The following RPE variants were observed in gnomAD, a reference collection of about 807,000 sequenced individuals.
RPE encodes ribulose-5-phosphate-3-epimerase.
In RPE, 16 loss-of-function variants were observed where a neutral mutation model predicts 24.6. That is an observed-to-expected ratio of 0.65 (90% CI 0.44 to 0.99). The LOEUF (loss-of-function observed/expected upper bound fraction) is 0.99. Ranked by LOEUF, RPE falls within the 50% of genes least tolerant of loss-of-function variation. The pLI is 0.00. For missense variants in RPE, 240 were observed against 294.5 expected (o/e 0.81, Z 1.35); for synonymous variants, 93 against 98.4 (o/e 0.94, Z 0.33).
chr2:210,011,230 T>C (rs771242958), intron 2 of RPE, among the ~76,000 whole-genome samples: 36 of 152,220 alleles, frequency 2.4e-4, no homozygotes, highest in Admixed American at 1.1e-3. Context: ...ATCTAAACTT[T>C]CTTTTAAGCC....
rs1331251186 is a variant in RPE, at chr2:210,018,660, GC to G, written c.565-1008del. ...TATCCTTTTGATCGCTTGTGGAATT[GC>G]TTTGTACTAAACTGTGCTTTGCCAG... is the stretch of plus-strand genomic sequence containing the variant. On this transcript the variant is annotated intron_variant, in intron 5 of 5. Coordinates refer to ENST00000359429, the MANE Select transcript of RPE (RefSeq NM_199229.3). 5.1e-6 allele frequency: 5 copies of G among 985,150 alleles called. No homozygotes were observed. In the African/African-American group the frequency reaches 8.7e-5, roughly 17 times the overall value. 61.0% of individuals were successfully genotyped at this position (985,150 alleles called of 1,614,324 possible).
intron 4 of RPE, 127 bp downstream of exon 4, chr2:210,016,768 T>A: frequency 7.8e-7 from 1 of 1,283,386 alleles, no homozygotes; most frequent in Non-Finnish European, 1.1e-6. Context: ...TGCTTACAGA[T>A]CATTCTAATA....
At chr2:210,017,602 A>C in intron 5 of RPE, 43 bp downstream of exon 5, 4 of 1,567,302 alleles carry the variant, frequency 2.6e-6, no homozygotes, top group South Asian at 1.1e-5. Flanking sequence ...TTTCCCGTCA[A>C]ATATGTCTCC....
rs1252675022 is a variant in RPE at position 210,009,706 on chromosome 2, C to T, written c.172C>T (p.Arg58Ter). ...TGGTCACCCTGTGGTAGAAAGCCTT[C>T]GAAAGCAGCTAGGCCAGGACCCTTT... ...TFGHPVVESLRKQLGQDPFFD... is the reference protein window; with the variant it reads ...TFGHPVVESL Residue 58 changes from arginine to a stop codon, truncating the protein, a stop_gained, in exon 2 of 6, where the codon CGA (arginine) becomes TGA (stop). Coordinates refer to ENST00000359429, the MANE Select transcript of RPE (RefSeq NM_199229.3). LOFTEE classifies it high-confidence loss of function. 3.1e-6 allele frequency: 5 copies of T among 1,613,974 alleles called. No homozygotes were observed. The highest frequency in any genetic ancestry group is 3.3e-5 in the Admixed American group (2 of 60,002).
chr2:210,015,582 C>T (rs1003626742), intron 2 of RPE, among the ~76,000 whole-genome samples: 5 of 152,074 alleles, frequency 3.3e-5, no homozygotes, highest in African/African-American at 9.7e-5. Flanking sequence ...AGCAATAGCT[C>T]GATAAATTGA....
Position 210,019,737 on chromosome 2 carries a change from T to C in RPE, c.633T>C (p.Asn211=), listed in dbSNP as rs749244455. ...MRSEDPRSVI[N]LLRNVCSEAA... is the part of the protein sequence containing the mutation. Reference sequence around the variant, plus strand: ...GTGAAGACCCCAGATCTGTGATCAATCTATTAAGAAATGTTTGCTCAGAAG... The same window carrying C: ...GTGAAGACCCCAGATCTGTGATCAACCTATTAAGAAATGTTTGCTCAGAAG... The change falls in exon 6 of 6, where the codon AAT becomes AAC. Residue 211 remains asparagine, a synonymous_variant. Transcript: ENST00000359429. 1 of 1,613,482 alleles carries C rather than the reference T, an allele frequency of 6.2e-7. No individual in the cohort carries two copies. The highest frequency in any genetic ancestry group is 8.5e-7 in the Non-Finnish European group (1 of 1,179,540).
chr2:210,010,442 A>G (rs747026810), intron 2 of RPE, among the ~76,000 whole-genome samples: 6 of 151,920 alleles, frequency 3.9e-5, no homozygotes, highest in Non-Finnish European at 7.4e-5. Context: ...TCTTTTTTTT[A>G]AAATAGAGAC....
At chr2:210,006,174 TTC>T (rs2093628190) in intron 1 of RPE, among the ~76,000 whole-genome samples, 2 of 152,206 alleles carry the variant, frequency 1.3e-5, no homozygotes, top group Admixed American at 6.5e-5. Context: ...TTAGTGAAGT[TTC>T]TCTCTGTTAA....
intron 2 of RPE, among the ~76,000 whole-genome samples, chr2:210,015,021 A>T (rs1439575987): frequency 6.6e-6 from 1 of 152,198 alleles, no homozygotes; most frequent in Non-Finnish European, 1.5e-5. Context: ...CAAGCTTTAG[A>T]ATTAGGATGA....
chr2:210,018,243 A>C, intron 5 of RPE: 3 of 1,522,516 alleles, frequency 2.0e-6, no homozygotes, highest in Non-Finnish European at 2.6e-6. Context: ...GGGGGAAAAT[A>C]GATAAATCTA....
rs2093577290 is a variant in RPE, at chr2:210,002,755, G to C, written c.94G>C (p.Asp32His). 6.2e-7 allele frequency: 1 copy of C among 1,614,196 alleles called. No individual in the cohort carries two copies. Among genetic ancestry groups the C allele is most frequent in the South Asian group, 1.1e-5 (1 of 91,080 alleles). The part of the protein sequence containing the change: ...ECLRMLDSGA[D>H]YLHLDVMDGH... Reference sequence around the variant, plus strand: ...CCTCCGGATGCTAGACTCTGGGGCCGATTATCTGCACCTGGACGTAATGGA... The same window carrying C: ...CCTCCGGATGCTAGACTCTGGGGCCCATTATCTGCACCTGGACGTAATGGA... Residue 32 changes from aspartate to histidine, a missense_variant, in exon 1 of 6, where the codon GAT becomes CAT. Asp to His is a moderately conservative substitution (Grantham distance 81). Transcript: ENST00000359429.
chr2:210,009,806 T>C (rs1365952566), intron 2 of RPE, 70 bp downstream of exon 2: 1 of 1,596,288 alleles, frequency 6.3e-7, no homozygotes, highest in Non-Finnish European at 8.6e-7. Context: ...TGGTTGATTT[T>C]AACTTCCAAG....
intron 4 of RPE, 138 bp downstream of exon 4, chr2:210,016,779 CAGTATAATAAATG>C: frequency 8.6e-7 from 1 of 1,167,896 alleles, no homozygotes; most frequent in Non-Finnish European, 1.2e-6. Flanking sequence ...CATTCTAATA[CAGTATAATAAATG>C]CTGTAATAGA....
At chr2:210,007,922 G>C (rs1264965652) in intron 1 of RPE, among the ~76,000 whole-genome samples, 1 of 152,132 alleles carries the variant, frequency 6.6e-6, no homozygotes, top group Non-Finnish European at 1.5e-5. Context: ...GGGCTTTGTT[G>C]GCAGAAGGGT....
chr2:210,012,371 C>T (rs1160523687), intron 2 of RPE, among the ~76,000 whole-genome samples: 1 of 152,218 alleles, frequency 6.6e-6, no homozygotes, highest in Non-Finnish European at 1.5e-5. Context: ...CAACTCAAGG[C>T]AGGGACTGTA....
intron 1 of RPE, among the ~76,000 whole-genome samples, chr2:210,006,535 T>C (rs1301666407): frequency 6.6e-6 from 1 of 152,210 alleles, no homozygotes; most frequent in African/African-American, 2.4e-5. Context: ...ACGTTTTGTT[T>C]AGGTTTTCCC....
Position 210,019,926 on chromosome 2 carries a change from T to A in RPE, c.*135T>A. On this transcript the variant is annotated 3_prime_UTR_variant, in exon 6 of 6. Transcript: ENST00000359429. Reference sequence around the variant, plus strand: ...AGTTATTCATTCCAGTGATTAAAACTGATTGTGCAGAATATTCTAAGAGGT... The same window carrying A: ...AGTTATTCATTCCAGTGATTAAAACAGATTGTGCAGAATATTCTAAGAGGT... 1 of 1,198,860 alleles carries A rather than the reference T, an allele frequency of 8.3e-7. No individual in the cohort carries two copies. Among genetic ancestry groups the A allele is most frequent in the Non-Finnish European group, 1.1e-6 (1 of 880,892 alleles). The allele number at this position is 1,198,860 out of a possible 1,614,324, so 74.3% of individuals were successfully genotyped here.
chr2:210,017,989 C>T, intron 5 of RPE: 1 of 675,810 alleles, frequency 1.5e-6, no homozygotes, highest in South Asian at 2.0e-5. Context: ...AAGTGACCTG[C>T]CTGCCTCGGC....
At chr2:210,014,095 T>G (rs1192468405) in intron 2 of RPE, among the ~76,000 whole-genome samples, 1 of 150,922 alleles carries the variant, frequency 6.6e-6, no homozygotes, top group Non-Finnish European at 1.5e-5. Context: ...TTTTTTTGTT[T>G]TTTGTTTTTT....
Sources: gnomAD v4.1 joint callset for allele counts (sites outside exome capture counted in the v4.1 genomes callset) on GRCh38, gnomAD v4.1.1 for gene constraint, MANE v1.5 for transcripts, NCBI Gene and HGNC (gene_info 2026-07-23, HGNC 2026-07-21) for gene names.